SLFN11: variants seen among roughly 807,000 people sequenced by gnomAD.
The protein encoded by SLFN11 is schlafen family member 11.
SLFN11 carries 43 observed loss-of-function variants against 53.4 expected under a neutral mutation model. The observed-to-expected ratio is 0.80, with a 90% CI of 0.63 to 1.04. The LOEUF is 1.04. SLFN11 is among the 50% of genes least tolerant of loss of function. The pLI is 0.00. For synonymous variants in SLFN11, 389 were observed against 394.7 expected (o/e 0.99, Z 0.17); for missense variants, 990 against 1,079.1 (o/e 0.92, Z 1.16).
At chr17:35,355,338 T>G (rs181536166) in intron 5 of SLFN11, among the ~76,000 whole-genome samples, 1 of 152,190 alleles carries the variant, frequency 6.6e-6, no homozygotes, top group Admixed American at 6.5e-5. Flanking sequence ...AATTTAAGGC[T>G]GCAGTGAGCT....
chr17:35,373,227 G>C (rs1423305890), intron 1 of SLFN11, among the ~76,000 whole-genome samples: 2 of 146,164 alleles, frequency 1.4e-5, no homozygotes, highest in Non-Finnish European at 3.1e-5. Context: ...CAGGTGCACA[G>C]GTCAGGCCCG....
In SLFN11 at chr17:35,352,038, C is replaced by T. The variant is rs551748070; in HGVS notation, c.*318G>A. The stretch of plus-strand genomic sequence containing the variant: ...CCAGCCTTGGAAGAAAGAAAGGCCA[C>T]AGGCTGAGTTTCTTATTTTTATGGC... On this transcript the variant is annotated 3_prime_UTR_variant, in exon 7 of 7. Transcript: ENST00000685675. 6.9e-6 allele frequency: 2 copies of T among 290,816 alleles called. No individual in the cohort carries two copies. The highest frequency in any genetic ancestry group is 2.1e-4 in the South Asian group (2 of 9,370). 18.0% of individuals were successfully genotyped at this position (290,816 alleles called of 1,614,324 possible).
At position 35,352,411 on chromosome 17, in the gene SLFN11, C is replaced by A. The variant is rs764598613; in HGVS notation, c.2651G>T (p.Cys884Phe). 1.9e-6 allele frequency: 3 copies of A among 1,614,218 alleles called. No individual in the cohort carries two copies. In the Admixed American group the frequency reaches 5.0e-5, roughly 27 times the overall value. Residue 884 changes from cysteine to phenylalanine, a missense_variant, in exon 7 of 7, where the codon TGT (cysteine) becomes TTT (phenylalanine). Physicochemically the swap from Cys to Phe is radical, Grantham distance 205. Transcript: ENST00000685675. The stretch of plus-strand genomic sequence containing the variant: ...GTGTTGTTTTGCCCTGGAAGCCAGA[C>A]AGATCAGAACATTGGGTAAGATAGC... ...DPAILPNVLICLASRAKQHLY... is the reference protein window; with the variant it reads ...DPAILPNVLIFLASRAKQHLY...
Position 35,352,067 on chromosome 17 carries a change from T to C in SLFN11, c.*289A>G, listed in dbSNP as rs1906743463. On this transcript the variant is annotated 3_prime_UTR_variant, in exon 7 of 7. Coordinates refer to ENST00000685675, the MANE Select transcript of SLFN11 (RefSeq NM_001376007.1). ...CTGAGTTTCTTATTTTTATGGCTTT[T>C]ACCCAAAATGCAAGACACAGATCGG... 1 of 361,934 alleles carries C rather than the reference T, an allele frequency of 2.8e-6. No homozygotes were observed. Among genetic ancestry groups the C allele is most frequent in the East Asian group, 4.3e-5 (1 of 23,200 alleles). The allele number at this position is 361,934 out of a possible 1,614,324, so 22.4% of individuals were successfully genotyped here. A position where few individuals can be genotyped will look rare whatever the true frequency, so the allele number is the denominator to read the frequency against.
At chr17:35,356,988 T>G (rs1448357202) in intron 5 of SLFN11, among the ~76,000 whole-genome samples, 1 of 151,990 alleles carries the variant, frequency 6.6e-6, no homozygotes, top group Admixed American at 6.6e-5. Context: ...TAATGTCAGG[T>G]TTTTTCATTT....
At position 35,357,208 on chromosome 17, in the gene SLFN11, T is replaced by C. The variant is rs556985949; in HGVS notation, c.1198+3035A>G. ...TCCTTATCAACTTCTGGAAGCTCTT[T>C]ATATATTAGAGACACTGGCCCTTTG... is the stretch of plus-strand genomic sequence containing the variant. On this transcript the variant is annotated intron_variant, in intron 5 of 6. Coordinates refer to ENST00000685675, the MANE Select transcript of SLFN11 (RefSeq NM_001376007.1). 5.9e-5 allele frequency among the ~76,000 whole-genome samples: 9 copies of C among 151,492 alleles called. No individual in the cohort carries two copies. The South Asian group carries it at 1.5e-3, about 25-fold the overall frequency.
chr17:35,356,906 A>G (rs1343858400), intron 5 of SLFN11, among the ~76,000 whole-genome samples: 1 of 151,844 alleles, frequency 6.6e-6, no homozygotes, highest in Non-Finnish European at 1.5e-5. Flanking sequence ...CCTCCAATGG[A>G]GTTGTACCAA....
intron 3 of SLFN11, among the ~76,000 whole-genome samples, chr17:35,364,962 G>T (rs898603191): frequency 6.6e-6 from 1 of 152,086 alleles, no homozygotes; most frequent in Non-Finnish European, 1.5e-5. Context: ...GGAAGTTAAA[G>T]AATCTTATTA....
Position 35,363,186 on chromosome 17 carries a change from G to A in SLFN11, c.622C>T (p.Pro208Ser), listed in dbSNP as rs1294214601. The change falls in exon 4 of 7, where the codon CCT (proline) becomes TCT (serine). Residue 208 changes from proline (P) to serine (S), a missense_variant. Physicochemically the swap from Pro to Ser is moderately conservative, Grantham distance 74 (BLOSUM62 -1). Coordinates refer to ENST00000685675, the MANE Select transcript of SLFN11 (RefSeq NM_001376007.1). ...YLEYGEILPF[P>S]ESQLVEFKQF... ...TTAAACTCTACTAACTGAGACTCAG[G>A]AAAAGGCAGGATTTCACCATATTCA... The A allele has an allele frequency of 6.2e-7, 1 of 1,614,044 alleles. No individual in the cohort carries two copies. Among genetic ancestry groups the A allele is most frequent in the Non-Finnish European group, 8.5e-7 (1 of 1,180,006 alleles).
At chr17:35,361,309 C>A (rs1908175418) in intron 4 of SLFN11, among the ~76,000 whole-genome samples, 1 of 152,024 alleles carries the variant, frequency 6.6e-6, no homozygotes, top group African/African-American at 2.4e-5. Context: ...CAGATTATAC[C>A]TGCTGGCATA....
At chr17:35,364,559 G>T (rs1283627255) in intron 3 of SLFN11, among the ~76,000 whole-genome samples, 1 of 152,166 alleles carries the variant, frequency 6.6e-6, no homozygotes, top group Non-Finnish European at 1.5e-5. Context: ...CACCTGGGCA[G>T]TGGGCACCAG....
In SLFN11 at chr17:35,352,237, C is replaced by A; in HGVS notation, c.*119G>T. ...AGGAGAGCCAGAAATGGGGGAGCTC[C>A]AAACTCTTTGTGTCAGCTCCGTCCA... On this transcript the variant is annotated 3_prime_UTR_variant, in exon 7 of 7. Transcript: ENST00000685675. 1.7e-5 allele frequency: 23 copies of A among 1,337,052 alleles called. No homozygotes were observed. In the South Asian group the frequency reaches 3.0e-4, roughly 17 times the overall value. The allele number at this position is 1,337,052 out of a possible 1,614,324, so 82.8% of individuals were successfully genotyped here.
intron 3 of SLFN11, among the ~76,000 whole-genome samples, chr17:35,365,846 C>A (rs943998619): frequency 2.0e-5 from 3 of 151,860 alleles, no homozygotes; most frequent in African/African-American, 7.3e-5. Context: ...GTAATAAATA[C>A]GTTTATGTTT....
At chr17:35,361,012 A>G (rs929818745) in intron 4 of SLFN11, among the ~76,000 whole-genome samples, 1 of 152,172 alleles carries the variant, frequency 6.6e-6, no homozygotes, top group African/African-American at 2.4e-5. Context: ...ATCAAAGGAC[A>G]TTATAGAGTG....
chr17:35,372,307 C>G (rs1909777287), intron 1 of SLFN11, among the ~76,000 whole-genome samples: 1 of 151,952 alleles, frequency 6.6e-6, no homozygotes, highest in South Asian at 2.1e-4. Flanking sequence ...GGATGACTAC[C>G]TGAGGAAGGG....
chr17:35,360,121 T>C (rs1567821226), intron 5 of SLFN11, 122 bp downstream of exon 5: 1 of 1,002,578 alleles, frequency 1.0e-6, no homozygotes, highest in Non-Finnish European at 1.5e-6. Flanking sequence ...TGTAACATCA[T>C]CACGTCTTAC....
At chr17:35,355,794 G>A (rs928280160) in intron 5 of SLFN11, among the ~76,000 whole-genome samples, 3 of 152,138 alleles carry the variant, frequency 2.0e-5, no homozygotes, top group Non-Finnish European at 4.4e-5. Context: ...TGAGGACTCT[G>A]TGCCTTTGCA....
At chr17:35,360,061 C>T in intron 5 of SLFN11, 182 bp downstream of exon 5, 1 of 563,236 alleles carries the variant, frequency 1.8e-6, no homozygotes, top group Non-Finnish European at 3.0e-6. Flanking sequence ...CTGCCTTAGC[C>T]AGTGGGGTCA....
At chr17:35,369,420 T>A (rs1430343770) in intron 1 of SLFN11, among the ~76,000 whole-genome samples, 6 of 152,102 alleles carry the variant, frequency 3.9e-5, no homozygotes, top group Non-Finnish European at 8.8e-5. Context: ...GTCTCATGAT[T>A]TGAGGGCCAG....
Sources: gnomAD v4.1 joint callset for allele counts (sites outside exome capture counted in the v4.1 genomes callset) on GRCh38, gnomAD v4.1.1 for gene constraint, MANE v1.5 for transcripts, NCBI Gene and HGNC (gene_info 2026-07-23, HGNC 2026-07-21) for gene names.